The following ZNF775 variants were observed in gnomAD, a reference collection of about 807,000 sequenced individuals.
ZNF775 encodes zinc finger protein 775.
Under a neutral mutation model 2.4 loss-of-function variants are expected in ZNF775, and 1 was observed. That is an observed-to-expected ratio of 0.41 (90% confidence interval 0.15 to 1.94). ZNF775 has a LOEUF of 1.94. Among genes scored for constraint, ZNF775 ranks in the 30% most tolerant of loss-of-function variants. The pLI, the probability that ZNF775 is intolerant of heterozygous loss-of-function variation, is 0.30. For missense variants in ZNF775, 823 were observed against 826.6 expected, an observed-to-expected ratio of 1.00 and a Z score of 0.05; for synonymous variants, 381 against 373.3, an observed-to-expected ratio of 1.02 and a Z score of -0.24.
intron 2 of ZNF775, among the ~76,000 whole-genome samples, chr7:150,393,034 G>A (rs1323493826): frequency 5.9e-5 from 9 of 152,084 alleles, no homozygotes. Flanking sequence ...TTTTGGTCTT[G>A]TACCTTACCT....
At chr7:150,391,233 C>T (rs1171275826) in intron 2 of ZNF775, among the ~76,000 whole-genome samples, 3 of 152,212 alleles carry the variant, frequency 2.0e-5, no homozygotes, top group Non-Finnish European at 2.9e-5. Flanking sequence ...TACGGCCAGG[C>T]GCGGTGGCTC....
chr7:150,385,359 T>C (rs1800431203), intron 1 of ZNF775, among the ~76,000 whole-genome samples: 1 of 152,158 alleles, frequency 6.6e-6, no homozygotes, highest in African/African-American at 2.4e-5. Flanking sequence ...TGAATGTGCA[T>C]GAAACCAGAA....
At chr7:150,388,300 T>A in intron 1 of ZNF775, 122 bp from the exon 2 acceptor site, 1 of 691,440 alleles carries the variant, frequency 1.4e-6, no homozygotes, top group Non-Finnish European at 2.5e-6. Context: ...CGAATGTGGC[T>A]ATGGATAGAA....
intron 2 of ZNF775, 66 bp downstream of exon 2, chr7:150,388,567 T>C: frequency 6.5e-7 from 1 of 1,542,582 alleles, no homozygotes; most frequent in Non-Finnish European, 8.8e-7. Context: ...TGCCCTTATC[T>C]TTTCTAAAGC....
chr7:150,397,866 C>A lies in ZNF775; in HGVS notation c.1385C>A (p.Thr462Asn). ...GKSFSWWSAL[T>N]IHQRIHTGER... ...AGCTTCTCGTGGTGGTCGGCGCTCA[C>A]CATCCACCAGCGCATCCACACGGGT... Residue 462 changes from threonine (T) to asparagine (N), a missense_variant, in exon 3 of 3, where the codon ACC (threonine) becomes AAC (asparagine). Physicochemically the swap from Thr to Asn is moderately conservative, Grantham distance 65 (BLOSUM62 0). Coordinates refer to ENST00000329630, the MANE Select transcript of ZNF775 (RefSeq NM_173680.4). 6.2e-7 allele frequency: 1 copy of A among 1,602,738 alleles called. No individual in the cohort carries two copies.
At chr7:150,388,050 G>C (rs1020332279) in intron 1 of ZNF775, among the ~76,000 whole-genome samples, 1 of 152,068 alleles carries the variant, frequency 6.6e-6, no homozygotes, top group Non-Finnish European at 1.5e-5. Flanking sequence ...CTTACTCCAG[G>C]CTCCTGCTTC....
At position 150,382,419 on chromosome 7, in the gene ZNF775, G is replaced by C. The variant is rs1800381824; in HGVS notation, c.-50+3027G>C. Among the ~76,000 whole-genome samples, 1 of 152,146 alleles carries C rather than the reference G, an allele frequency of 6.6e-6. No homozygotes were observed. Among genetic ancestry groups the C allele is most frequent in the Non-Finnish European group, 1.5e-5 (1 of 68,014 alleles). On this transcript the variant is annotated intron_variant, in intron 1 of 2. Coordinates refer to ENST00000329630, the MANE Select transcript of ZNF775 (RefSeq NM_173680.4). The surrounding 1 kb of genome is among the most constrained non-coding windows in gnomAD (Gnocchi z 4.6). ...AATGACTGGCCAGGGACTAGCAGCG[G>C]CTCAGTGGTGGGTGGGCTGGGACTT...
At chr7:150,391,735 A>C (rs1161842102) in intron 2 of ZNF775, among the ~76,000 whole-genome samples, 2 of 46,570 alleles carry the variant, frequency 4.3e-5, no homozygotes, top group Non-Finnish European at 8.8e-5. Flanking sequence ...TTTGAGATAG[A>C]GTTTTTGCTT....
At position 150,397,303 on chromosome 7, in the gene ZNF775, G is replaced by C; in HGVS notation, c.822G>C (p.Gly274=). 1 of 1,568,452 alleles carries C rather than the reference G, an allele frequency of 6.4e-7. No homozygotes were observed. The highest frequency in any genetic ancestry group is 8.6e-7 in the Non-Finnish European group (1 of 1,162,712). ...GGGCCGCGGTCTCCGGCCCCGAGGG[G>C]CCGGGCGAGCCGCGCCAGTTCATCT... ...GARAAVSGPE[G]PGEPRQFICN... is the part of the protein sequence containing the mutation. Residue 274 remains glycine (G), a synonymous_variant, in exon 3 of 3, where the codon GGG becomes GGC. Transcript: ENST00000329630.
In ZNF775 at chr7:150,380,024, CTG is replaced by C. The variant is rs1449355703; in HGVS notation, c.-50+635_-50+636del. 3 of 152,122 alleles carry C rather than the reference CTG, an allele frequency of 2.0e-5. No homozygotes were observed. In the South Asian group the frequency reaches 6.2e-4, roughly 32 times the overall value. The allele number at this position is 152,122 out of a possible 1,614,324, so 9.4% of individuals were successfully genotyped here. On this transcript the variant is annotated intron_variant, in intron 1 of 2. Transcript: ENST00000329630. ...GTGGGGCGGGGTGCGGGCATCCCCT[CTG>C]TGAAGAACGTTGAGGATATCTACAT...
chr7:150,397,973 G>T lies in ZNF775; in HGVS notation c.1492G>T (p.Gly498Cys). ...NLTRHRRNHT[G>C]ERPYLCPACG... ...GACGCGGCACCGGCGCAACCACACAGGCGAGCGGCCCTACCTGTGTCCCGC... is the reference window on the plus strand; with the variant it reads ...GACGCGGCACCGGCGCAACCACACATGCGAGCGGCCCTACCTGTGTCCCGC... Residue 498 changes from glycine (G) to cysteine (C), a missense_variant, in exon 3 of 3, where the codon GGC (glycine) becomes TGC (cysteine). Transcript: ENST00000329630. 6.3e-7 allele frequency: 1 copy of T among 1,598,216 alleles called. No homozygotes were observed. Among genetic ancestry groups the T allele is most frequent in the Non-Finnish European group, 8.5e-7 (1 of 1,177,866 alleles).
At chr7:150,390,046 G>A (rs2129621074) in intron 2 of ZNF775, among the ~76,000 whole-genome samples, 1 of 152,152 alleles carries the variant, frequency 6.6e-6, no homozygotes, top group Admixed American at 6.5e-5. Context: ...TCATCACCTG[G>A]GAAACTGTAC....
chr7:150,381,044 G>C (rs1190074532), intron 1 of ZNF775, among the ~76,000 whole-genome samples: 1 of 152,224 alleles, frequency 6.6e-6, no homozygotes, highest in East Asian at 1.9e-4. Flanking sequence ...CCTCTTCAGA[G>C]ATTGTTAGCA....
rs539651048 is a variant in ZNF775, at chr7:150,382,112, A to G, written c.-50+2720A>G. 6.6e-6 allele frequency among the ~76,000 whole-genome samples: 1 copy of G among 152,216 alleles called. No homozygotes were observed. The highest frequency in any genetic ancestry group is 1.9e-4 in the East Asian group (1 of 5,170). The stretch of plus-strand genomic sequence containing the variant: ...CACCCTGGTAAGTGGAGGGCTCTGC[A>G]GACAGTGCCACAACCAGAGCCGTGG... On this transcript the variant is annotated intron_variant, in intron 1 of 2. Transcript: ENST00000329630. This position sits in a 1 kb window ranked among gnomAD's most constrained non-coding sequence, Gnocchi z 4.6.
At position 150,381,959 on chromosome 7, in the gene ZNF775, G is replaced by T. The variant is rs1485476000; in HGVS notation, c.-50+2567G>T. 3.3e-5 allele frequency among the ~76,000 whole-genome samples: 5 copies of T among 152,046 alleles called. No individual in the cohort carries two copies. In the East Asian group the frequency reaches 9.7e-4, roughly 29 times the overall value. ...GGAGAGGAGCAGGGTGGGTCATGGG[G>T]GGTGGGACAGGGGAGTTGTGGGAGG... is the stretch of plus-strand genomic sequence containing the variant. On this transcript the variant is annotated intron_variant, in intron 1 of 2. Coordinates refer to ENST00000329630, the MANE Select transcript of ZNF775 (RefSeq NM_173680.4).
At position 150,397,845 on chromosome 7, in the gene ZNF775, T is replaced by C; in HGVS notation, c.1364T>C (p.Phe455Ser). The C allele has an allele frequency of 6.2e-7, 1 of 1,602,080 alleles. No homozygotes were observed. Among genetic ancestry groups the C allele is most frequent in the Non-Finnish European group, 8.5e-7 (1 of 1,177,856 alleles). ...ATCTGCAACGAGTGCGGCAAGAGCT[T>C]CTCGTGGTGGTCGGCGCTCACCATC... ...QFICNECGKS[F>S]SWWSALTIHQ... Residue 455 changes from phenylalanine to serine, a missense_variant, in exon 3 of 3, where the codon TTC becomes TCC. By Grantham distance (155) the Phe-to-Ser change is radical. Transcript: ENST00000329630.
chr7:150,397,467 G>A lies in ZNF775; in HGVS notation c.986G>A (p.Arg329His). Reference sequence around the variant, plus strand: ...AAGCCCAACTTGACGCGGCACCTGCGCAACCACACAGGCGAGCGCCCGCAC... The same window carrying A: ...AAGCCCAACTTGACGCGGCACCTGCACAACCACACAGGCGAGCGCCCGCAC... Reference protein sequence around the residue: ...SQKPNLTRHLRNHTGERPHPC... With the variant: ...SQKPNLTRHLHNHTGERPHPC... The change falls in exon 3 of 3, where the codon CGC becomes CAC. Residue 329 changes from arginine to histidine, a missense_variant. Arg to His is a conservative substitution (Grantham distance 29, BLOSUM62 0). Coordinates refer to ENST00000329630, the MANE Select transcript of ZNF775 (RefSeq NM_173680.4). 6.3e-7 allele frequency: 1 copy of A among 1,593,014 alleles called. No individual in the cohort carries two copies. The highest frequency in any genetic ancestry group is 8.5e-7 in the Non-Finnish European group (1 of 1,174,952).
rs1487669755 is a variant in ZNF775, at chr7:150,396,553, G to A, written c.72G>A (p.Glu24=). 3.1e-6 allele frequency: 5 copies of A among 1,603,868 alleles called. No homozygotes were observed. Among genetic ancestry groups the A allele is most frequent in the Non-Finnish European group, 4.2e-6 (5 of 1,177,154 alleles). The change falls in exon 3 of 3, where the codon GAG becomes GAA. Residue 24 remains glutamate, a synonymous_variant. Coordinates refer to ENST00000329630, the MANE Select transcript of ZNF775 (RefSeq NM_173680.4). ...TGAAGGTCAAGCAGGAGAAGCCGGA[G>A]CGGCTGCTGCAGACGCTGGCGCCGC... ...LVMKVKQEKP[E]RLLQTLAPQA...
intron 2 of ZNF775, among the ~76,000 whole-genome samples, chr7:150,394,505 A>G (rs932145500): frequency 1.3e-5 from 2 of 152,186 alleles, no homozygotes; most frequent in Non-Finnish European, 2.9e-5. Flanking sequence ...GATGGTGAGC[A>G]TCGCATTTTG....
Sources: gnomAD v4.1 joint callset for allele counts (sites outside exome capture counted in the v4.1 genomes callset) on GRCh38, gnomAD v4.1.1 for gene constraint, Gnocchi (gnomAD v3.1) non-coding constraint, MANE v1.5 for transcripts, NCBI Gene and HGNC (gene_info 2026-07-23, HGNC 2026-07-21) for gene names.